DPP6: variants seen among roughly 807,000 people sequenced by gnomAD.
The protein encoded by DPP6 is A-type potassium channel modulatory protein DPP6.
A neutral mutation model predicts 122.6 loss-of-function variants in DPP6; 69 were observed. That is an observed-to-expected ratio of 0.56 (90% CI 0.46 to 0.69). The LOEUF (loss-of-function observed/expected upper bound fraction) is 0.69. DPP6 is among the 30% of genes least tolerant of loss of function. The pLI is 0.00. For missense variants in DPP6, 928 were observed against 1,116.9 expected (o/e 0.83, Z 2.41); for synonymous variants, 418 against 433.1 (o/e 0.97, Z 0.43).
intron 1 of DPP6, among the ~76,000 whole-genome samples, chr7:154,326,814 C>T (rs1177310645): frequency 3.3e-5 from 5 of 152,084 alleles, no homozygotes; most frequent in Non-Finnish European, 7.4e-5. Context: ...AAATGGATTT[C>T]CTCGGGGCCT....
Position 154,602,976 on chromosome 7 carries a change from G to A in DPP6, c.628-34845G>A, listed in dbSNP as rs1014151551. Among the ~76,000 whole-genome samples, 4 of 63,870 alleles carry A rather than the reference G, an allele frequency of 6.3e-5. 1 individual carries two copies. Among genetic ancestry groups the A allele is most frequent in the African/African-American group, 1.2e-4 (4 of 32,454 alleles). The allele number at this position is 63,870 out of a possible 152,430, so 41.9% of individuals were successfully genotyped here. On this transcript the variant is annotated intron_variant, in intron 5 of 25. Transcript: ENST00000377770. ...TTTTGTTTATCTGAAGAATTATTTC[G>A]CTTTCATTTTTTAAAGTTTTTTTGC...
At chr7:154,345,069 A>C (rs1195231935) in intron 1 of DPP6, among the ~76,000 whole-genome samples, 1 of 152,184 alleles carries the variant, frequency 6.6e-6, no homozygotes, top group African/African-American at 2.4e-5. Context: ...GATACCATAG[A>C]CTAGGTGGCT....
the DPP6 span, among the ~76,000 whole-genome samples, chr7:153,829,969 G>T: frequency 6.6e-6 from 1 of 152,192 alleles, no homozygotes; most frequent in Non-Finnish European, 1.5e-5. Flanking sequence ...AGGCAGCCAC[G>T]AGGAGGGAAG....
At chr7:154,637,231 T>C (rs7800390) in intron 5 of DPP6, among the ~76,000 whole-genome samples, 112,196 of 152,070 alleles carry the variant, frequency 0.74, 41,487 homozygotes, top group East Asian at 0.92. Context: ...GGTTTTCTGT[T>C]ACCTCCATTT....
intron 4 of DPP6, among the ~76,000 whole-genome samples, chr7:154,548,132 C>T (rs112856904): frequency 0.027 from 4,067 of 152,056 alleles, 99 homozygotes; most frequent in East Asian, 0.1. Flanking sequence ...TTGCGTGAAC[C>T]GGGGAGGTGG....
chr7:154,168,738 T>C (rs546563329), intron 1 of DPP6, among the ~76,000 whole-genome samples: 231 of 152,292 alleles, frequency 1.5e-3, no homozygotes, highest in African/African-American at 5.3e-3. Context: ...GAGCGACTTG[T>C]CAAAGGGATG....
chr7:154,594,885 G>C (rs1769515445), intron 5 of DPP6, among the ~76,000 whole-genome samples: 1 of 152,178 alleles, frequency 6.6e-6, no homozygotes, highest in African/African-American at 2.4e-5. Context: ...AGCATGAACA[G>C]AGACACAATG....
chr7:154,577,464 A>T (rs1055296216), intron 5 of DPP6, among the ~76,000 whole-genome samples: 1 of 152,214 alleles, frequency 6.6e-6, no homozygotes, highest in South Asian at 2.1e-4. Flanking sequence ...CAGGTCAAGG[A>T]TTAGGTCCTC....
At chr7:154,670,478 C>T (rs1026003366) in intron 7 of DPP6, among the ~76,000 whole-genome samples, 3 of 152,310 alleles carry the variant, frequency 2.0e-5, no homozygotes, top group African/African-American at 7.2e-5. Flanking sequence ...TTGGATAATA[C>T]GGTCCTTCAG....
intron 1 of DPP6, among the ~76,000 whole-genome samples, chr7:154,021,731 G>T (rs562034146): frequency 4.6e-5 from 7 of 152,120 alleles, no homozygotes; most frequent in Non-Finnish European, 1.0e-4. Context: ...AGCTTGGCAC[G>T]TGGATATGTG....
At chr7:153,820,571 C>G in the DPP6 span, among the ~76,000 whole-genome samples, 1 of 151,980 alleles carries the variant, frequency 6.6e-6, no homozygotes, top group African/African-American at 2.4e-5. Context: ...AAGGCATCCC[C>G]GGATGTTTTG....
intron 16 of DPP6, among the ~76,000 whole-genome samples, chr7:154,844,098 C>T (rs1265354657): frequency 2.6e-5 from 4 of 152,160 alleles, no homozygotes; most frequent in African/African-American, 9.7e-5. Context: ...AAGGTTTAGC[C>T]ACAAGAATCT....
At chr7:154,784,436 C>T (rs547631004) in intron 10 of DPP6, among the ~76,000 whole-genome samples, 2 of 152,280 alleles carry the variant, frequency 1.3e-5, no homozygotes, top group Non-Finnish European at 1.5e-5. Flanking sequence ...AACACTCAAG[C>T]ACAGTTTTCT....
At chr7:154,239,127 G>A (rs1801404447) in intron 1 of DPP6, among the ~76,000 whole-genome samples, 1 of 152,210 alleles carries the variant, frequency 6.6e-6, no homozygotes, top group South Asian at 2.1e-4. Context: ...TAGGGGAAGG[G>A]GAAAATGGTC....
At chr7:154,380,908 A>C (rs1813539990) in intron 1 of DPP6, among the ~76,000 whole-genome samples, 1 of 152,126 alleles carries the variant, frequency 6.6e-6, no homozygotes, top group African/African-American at 2.4e-5. Flanking sequence ...TCATGGGGTG[A>C]GTGGGTGAGG....
intron 8 of DPP6, among the ~76,000 whole-genome samples, chr7:154,738,520 G>A (rs1212300466): frequency 6.6e-6 from 1 of 152,218 alleles, no homozygotes; most frequent in Non-Finnish European, 1.5e-5. Flanking sequence ...GAGGATGGGG[G>A]AATTATCCTA....
intron 16 of DPP6, among the ~76,000 whole-genome samples, chr7:154,818,711 A>G (rs6963988): frequency 0.81 from 123,716 of 152,140 alleles, 50,403 homozygotes; most frequent in Non-Finnish European, 0.85. Flanking sequence ...TTTTGAATTT[A>G]TCCAAGTGAA....
chr7:154,764,386 G>C (rs987688036), intron 8 of DPP6, among the ~76,000 whole-genome samples: 1 of 152,198 alleles, frequency 6.6e-6, no homozygotes, highest in Non-Finnish European at 1.5e-5. Flanking sequence ...AAGTGGGAAA[G>C]AGAGGCGGTG....
chr7:154,573,249 G>A (rs1425862658), intron 5 of DPP6, among the ~76,000 whole-genome samples: 2 of 152,138 alleles, frequency 1.3e-5, no homozygotes, highest in Non-Finnish European at 2.9e-5. Flanking sequence ...ATGTGTGGGG[G>A]CTGCTATCAG....
Sources: gnomAD v4.1 joint callset for allele counts (sites outside exome capture counted in the v4.1 genomes callset) on GRCh38, gnomAD v4.1.1 for gene constraint, MANE v1.5 for transcripts, NCBI Gene and HGNC (gene_info 2026-07-23, HGNC 2026-07-21) for gene names.